The following MRAS variants were observed in gnomAD, a reference collection of about 807,000 sequenced individuals.
MRAS encodes ras-related protein M-Ras.
A neutral mutation model predicts 20.9 loss-of-function variants in MRAS; 4 were observed. That is an observed-to-expected ratio of 0.19 (90% CI 0.09 to 0.44). MRAS has a LOEUF of 0.44. Ranked by LOEUF, MRAS falls within the 20% of genes least tolerant of loss-of-function variation. MRAS has a pLI of 0.99. For synonymous variants in MRAS, 98 were observed against 102.9 expected, an observed-to-expected ratio of 0.95 and a Z score of 0.29; for missense variants, 154 against 277.5, an observed-to-expected ratio of 0.56 and a Z score of 3.16.
At chr3:138,393,249 G>C (rs2055166472) in intron 2 of MRAS, among the ~76,000 whole-genome samples, 1 of 152,142 alleles carries the variant, frequency 6.6e-6, no homozygotes, top group African/African-American at 2.4e-5. Flanking sequence ...AAAATTTGTA[G>C]AGATGGGGTC....
chr3:138,399,855 G>A (rs2108566334), intron 4 of MRAS, among the ~76,000 whole-genome samples: 1 of 152,318 alleles, frequency 6.6e-6, no homozygotes, highest in East Asian at 1.9e-4. Flanking sequence ...TCCTCCCTTT[G>A]CCAGCCCGAG....
At chr3:138,362,278 A>G (rs932670758) in intron 1 of MRAS, among the ~76,000 whole-genome samples, 2 of 152,082 alleles carry the variant, frequency 1.3e-5, no homozygotes, top group African/African-American at 2.4e-5. Context: ...CAGTGTTTTC[A>G]TTTTGCAACT....
chr3:138,387,319 G>T (rs79414829), intron 2 of MRAS, among the ~76,000 whole-genome samples: 2 of 152,246 alleles, frequency 1.3e-5, no homozygotes, highest in African/African-American at 4.8e-5. Flanking sequence ...AGCAAGTGGG[G>T]TGAATGCAGG....
rs9289558 is a variant in MRAS, at chr3:138,355,456, A to G, written c.-19+6689A>G. ...CTGCTTTTTAAAGCTGTGCAGAAAG[A>G]TTCAAAAACTTCTGGAAAGGCTTTC... On this transcript the variant is annotated intron_variant, in intron 1 of 5. Transcript: ENST00000423968. Among the ~76,000 whole-genome samples, 1,386 of 152,332 alleles carry G rather than the reference A, an allele frequency of 9.1e-3. 7 individuals are homozygous for G. Among genetic ancestry groups the G allele is most frequent in the Non-Finnish European group, 0.014 (980 of 68,026 alleles).
intron 2 of MRAS, among the ~76,000 whole-genome samples, chr3:138,375,850 C>A (rs1351702138): frequency 6.6e-6 from 1 of 151,898 alleles, no homozygotes; most frequent in Non-Finnish European, 1.5e-5. Flanking sequence ...GGTGAAACCC[C>A]ATCTCAACTA....
chr3:138,385,156 ATTTTTTTTTTTTTTT>A (rs34770279), intron 2 of MRAS, among the ~76,000 whole-genome samples: 1 of 66,502 alleles, frequency 1.5e-5, no homozygotes, highest in East Asian at 6.5e-4. Flanking sequence ...TTGATTTGTA[ATTTTTTTTTTTTTTT>A]TTTTTTTTTT....
rs898555769 is a variant in MRAS, at chr3:138,396,444, G to A, written c.194-880G>A. On this transcript the variant is annotated intron_variant, in intron 2 of 5. Coordinates refer to ENST00000423968, the MANE Select transcript of MRAS (RefSeq NM_001085049.3). ...CAGGCAGCAGGGGGACTGGGAAGAC[G>A]CAGGGGAGGCTAAGCCATGAGCAGG... is the stretch of plus-strand genomic sequence containing the variant. 4.6e-5 allele frequency among the ~76,000 whole-genome samples: 7 copies of A among 152,162 alleles called. No individual in the cohort carries two copies. In the South Asian group the frequency reaches 6.2e-4, roughly 14 times the overall value.
chr3:138,370,080 G>C (rs1447089209), intron 1 of MRAS, among the ~76,000 whole-genome samples: 3 of 152,162 alleles, frequency 2.0e-5, no homozygotes, highest in African/African-American at 7.2e-5. Context: ...AGCACTTTGG[G>C]AGGCCAAGGC....
At chr3:138,363,859 G>C (rs946332382) in intron 1 of MRAS, among the ~76,000 whole-genome samples, 2 of 142,984 alleles carry the variant, frequency 1.4e-5, no homozygotes, top group Non-Finnish European at 3.0e-5. Context: ...CCAGAGGGTG[G>C]CTATGTTTTG....
At chr3:138,392,882 G>T (rs2108553547) in intron 2 of MRAS, among the ~76,000 whole-genome samples, 1 of 152,114 alleles carries the variant, frequency 6.6e-6, no homozygotes, top group African/African-American at 2.4e-5. Flanking sequence ...TATTATATTT[G>T]CTTATTTTTG....
chr3:138,375,743 C>T (rs185417289), intron 2 of MRAS, among the ~76,000 whole-genome samples: 143 of 152,268 alleles, frequency 9.4e-4, no homozygotes, highest in African/African-American at 3.4e-3. Flanking sequence ...TGTGGCTGGG[C>T]GCTGTGGCTT....
At chr3:138,384,111 G>A (rs2054960782) in intron 2 of MRAS, among the ~76,000 whole-genome samples, 1 of 151,814 alleles carries the variant, frequency 6.6e-6, no homozygotes, top group Non-Finnish European at 1.5e-5. Flanking sequence ...ACAGCTAGTA[G>A]GAGAGAGGTC....
intron 2 of MRAS, among the ~76,000 whole-genome samples, chr3:138,383,459 G>A (rs908715518): frequency 7.2e-5 from 11 of 152,098 alleles, no homozygotes; most frequent in Non-Finnish European, 1.6e-4. Context: ...GCCTCCTAAA[G>A]CACTAGGATT....
At chr3:138,371,367 G>T (rs1157530707) in intron 1 of MRAS, among the ~76,000 whole-genome samples, 1 of 152,168 alleles carries the variant, frequency 6.6e-6, no homozygotes, top group Non-Finnish European at 1.5e-5. Flanking sequence ...TAGAACTGAA[G>T]ACTATTTTAG....
chr3:138,399,372 C>A (rs557041522), intron 4 of MRAS, among the ~76,000 whole-genome samples: 1 of 152,320 alleles, frequency 6.6e-6, no homozygotes, highest in Admixed American at 6.5e-5. Flanking sequence ...ATGAATATTT[C>A]AAAGGCTTAA....
At chr3:138,352,959 G>A (rs1365300917) in intron 1 of MRAS, among the ~76,000 whole-genome samples, 1 of 152,066 alleles carries the variant, frequency 6.6e-6, no homozygotes, top group African/African-American at 2.4e-5. Context: ...AAATACGCTT[G>A]GGAGGCCAGA....
Position 138,402,973 on chromosome 3 carries a change from G to A in MRAS, c.*704G>A, listed in dbSNP as rs549396601. Reference sequence around the variant, plus strand: ...GACCCTACACATGGCCTAGAAATGAGAGAAGAGAGAGGTATTTACCCAGAG... The same window carrying A: ...GACCCTACACATGGCCTAGAAATGAAAGAAGAGAGAGGTATTTACCCAGAG... On this transcript the variant is annotated 3_prime_UTR_variant, in exon 6 of 6. Transcript: ENST00000423968. The A allele has an allele frequency of 6.6e-6, 1 of 152,622 alleles. No homozygotes were observed. The highest frequency in any genetic ancestry group is 2.4e-5 in the African/African-American group (1 of 41,548). The allele number at this position is 152,622 out of a possible 1,614,324, so 9.5% of individuals were successfully genotyped here. A position where few individuals can be genotyped will look rare whatever the true frequency, so the allele number is the denominator to read the frequency against.
chr3:138,378,311 A>C (rs183402251), intron 2 of MRAS, among the ~76,000 whole-genome samples: 1 of 152,294 alleles, frequency 6.6e-6, no homozygotes, highest in African/African-American at 2.4e-5. Context: ...TCTTCCAGGA[A>C]GTCACATTGC....
chr3:138,373,143 A>G (rs962536250), intron 2 of MRAS, 67 bp downstream of exon 2: 15 of 1,295,064 alleles, frequency 1.2e-5, no homozygotes, highest in East Asian at 2.8e-5. Flanking sequence ...GAAATTTGAC[A>G]GGTTTCAGTG....
Sources: gnomAD v4.1 joint callset for allele counts (sites outside exome capture counted in the v4.1 genomes callset) on GRCh38, gnomAD v4.1.1 for gene constraint, MANE v1.5 for transcripts, NCBI Gene and HGNC (gene_info 2026-07-23, HGNC 2026-07-21) for gene names.